The following OTUD7A variants were observed in gnomAD, a reference collection of about 807,000 sequenced individuals.
The protein encoded by OTUD7A is OTU domain-containing protein 7A.
OTUD7A carries 12 observed loss-of-function variants against 65.7 expected under a neutral mutation model. That is an observed-to-expected ratio of 0.18 (90% CI 0.12 to 0.30). OTUD7A has a LOEUF of 0.30. Ranked by LOEUF, OTUD7A falls within the 10% of genes least tolerant of loss-of-function variation. OTUD7A has a pLI of 1.00. For missense variants in OTUD7A, 1,148 were observed against 1,304.8 expected (o/e 0.88, Z 1.85); for synonymous variants, 641 against 586.3 (o/e 1.09, Z -1.35).
chr15:31,780,848 C>T (rs755413719), intron 1 of OTUD7A, among the ~76,000 whole-genome samples: 3 of 152,182 alleles, frequency 2.0e-5, no homozygotes, highest in Non-Finnish European at 4.4e-5. Context: ...CATTCAATGT[C>T]TTGCATGTTC....
rs904981534 is a variant in OTUD7A, at chr15:31,624,985, T to C, written c.151+30111A>G. On this transcript the variant is annotated intron_variant, in intron 3 of 12. Coordinates refer to ENST00000307050, the MANE Select transcript of OTUD7A (RefSeq NM_001382637.1). The stretch of plus-strand genomic sequence containing the variant: ...TGTATGACCGATGGATTATAGCCTA[T>C]GTGATGGGATGTCACTTCCGAGATT... Among the ~76,000 whole-genome samples the C allele has an allele frequency of 5.3e-5, 8 of 152,346 alleles. 1 individual carries two copies. The highest frequency in any genetic ancestry group is 3.4e-3 in the Middle Eastern group (1 of 294).
chr15:31,535,616 T>C (rs1368251581), intron 5 of OTUD7A, among the ~76,000 whole-genome samples: 1 of 151,784 alleles, frequency 6.6e-6, no homozygotes, highest in East Asian at 1.9e-4. Context: ...TGCTAACACA[T>C]CTGGGACTGT....
intron 1 of OTUD7A, among the ~76,000 whole-genome samples, chr15:31,759,018 A>G (rs1894889028): frequency 6.6e-6 from 1 of 152,142 alleles, no homozygotes; most frequent in African/African-American, 2.4e-5. Flanking sequence ...TAATAATTTA[A>G]TGGGTCTACA....
chr15:31,768,228 A>G, intron 1 of OTUD7A: 2 of 944,126 alleles, frequency 2.1e-6, no homozygotes, highest in South Asian at 1.3e-5. Flanking sequence ...GGTGGCATCC[A>G]TGGCAGTGTA....
intron 5 of OTUD7A, among the ~76,000 whole-genome samples, chr15:31,549,100 C>A (rs1025027523): frequency 6.8e-6 from 1 of 147,066 alleles, no homozygotes; most frequent in Non-Finnish European, 1.5e-5. Flanking sequence ...CGTGCCACTG[C>A]ACTCCAGCCT....
At chr15:31,621,354 G>A (rs937335357) in intron 3 of OTUD7A, among the ~76,000 whole-genome samples, 10 of 152,206 alleles carry the variant, frequency 6.6e-5, no homozygotes, top group South Asian at 4.1e-4. Flanking sequence ...TCTGTCTATC[G>A]TTGACAGTGG....
At chr15:31,691,347 C>T (rs1428351177) in intron 1 of OTUD7A, among the ~76,000 whole-genome samples, 1 of 151,972 alleles carries the variant, frequency 6.6e-6, no homozygotes, top group Non-Finnish European at 1.5e-5. Context: ...TACTACCAAT[C>T]TATAGTAACC....
rs191622336 is a variant in OTUD7A, at chr15:31,803,869, T to C, written c.-100+66638A>G. 4.6e-5 allele frequency among the ~76,000 whole-genome samples: 7 copies of C among 152,276 alleles called. No individual in the cohort carries two copies. The East Asian group carries it at 1.4e-3, about 29-fold the overall frequency. On this transcript the variant is annotated intron_variant, in intron 1 of 12. Transcript: ENST00000307050. ...CAAGTGCATCTTTCAGGATGCAAGA[T>C]GGAATTCACAATAAGTTCTCATCCC... is the stretch of plus-strand genomic sequence containing the variant.
At chr15:31,859,175 C>CA (rs1366872217) in intron 1 of OTUD7A, among the ~76,000 whole-genome samples, 2 of 152,188 alleles carry the variant, frequency 1.3e-5, no homozygotes, top group African/African-American at 4.8e-5. Context: ...GTTTTACTAA[C>CA]AAAATTGTAT....
At chr15:31,840,433 G>A (rs1222433145) in intron 1 of OTUD7A, among the ~76,000 whole-genome samples, 4 of 151,664 alleles carry the variant, frequency 2.6e-5, no homozygotes, top group South Asian at 2.1e-4. Context: ...GCAAGACTTC[G>A]TCTCAAAAAT....
At chr15:31,748,551 A>C (rs1230723421) in intron 1 of OTUD7A, among the ~76,000 whole-genome samples, 1 of 152,044 alleles carries the variant, frequency 6.6e-6, no homozygotes, top group Admixed American at 6.6e-5. Context: ...CCTTTGTGTC[A>C]TTTTTGCAAC....
chr15:31,585,957 C>T (rs1230282098), intron 3 of OTUD7A, among the ~76,000 whole-genome samples: 2 of 152,132 alleles, frequency 1.3e-5, no homozygotes, highest in African/African-American at 4.8e-5. Context: ...TGATACCATT[C>T]ATGCAAAATG....
At chr15:31,560,253 GC>G (rs749059183) in intron 4 of OTUD7A, among the ~76,000 whole-genome samples, 1 of 152,168 alleles carries the variant, frequency 6.6e-6, no homozygotes, top group Non-Finnish European at 1.5e-5. Flanking sequence ...CTCCTACATG[GC>G]CCTCCCAGGA....
At chr15:31,758,718 C>T (rs1399790561) in intron 1 of OTUD7A, among the ~76,000 whole-genome samples, 2 of 151,732 alleles carry the variant, frequency 1.3e-5, no homozygotes. Context: ...AGACCTGGAG[C>T]TAATGGCTTC....
At chr15:31,656,348 C>T (rs1243674695) in intron 2 of OTUD7A, among the ~76,000 whole-genome samples, 9 of 152,044 alleles carry the variant, frequency 5.9e-5, no homozygotes, top group Non-Finnish European at 7.4e-5. Flanking sequence ...AAGTTATAGA[C>T]CATGGGCCAC....
intron 5 of OTUD7A, among the ~76,000 whole-genome samples, chr15:31,550,696 T>C (rs1301023371): frequency 6.6e-6 from 1 of 152,188 alleles, no homozygotes; most frequent in East Asian, 1.9e-4. Flanking sequence ...TGTGGGATGA[T>C]ACACTTGTGC....
intron 1 of OTUD7A, among the ~76,000 whole-genome samples, chr15:31,815,900 T>C (rs1396620839): frequency 6.6e-6 from 1 of 152,226 alleles, no homozygotes; most frequent in East Asian, 1.9e-4. Flanking sequence ...AGGACAGATG[T>C]TCTGGGAGAA....
intron 3 of OTUD7A, among the ~76,000 whole-genome samples, chr15:31,588,183 C>A (rs997303855): frequency 6.6e-6 from 1 of 152,112 alleles, no homozygotes; most frequent in Non-Finnish European, 1.5e-5. Flanking sequence ...CAATGGAATG[C>A]TATGTGGCAA....
intron 1 of OTUD7A, among the ~76,000 whole-genome samples, chr15:31,667,512 G>C (rs1356259356): frequency 4.6e-5 from 7 of 152,018 alleles, no homozygotes; most frequent in East Asian, 1.9e-4. Context: ...TTAAGTTTAC[G>C]TGAGTCCTTA....
Sources: allele counts gnomAD v4.1 joint callset (sites outside exome capture counted in the v4.1 genomes callset), GRCh38; gene constraint gnomAD v4.1.1; transcripts MANE v1.5; gene names NCBI Gene and HGNC (gene_info 2026-07-23, HGNC 2026-07-21).